GRIA4: variants seen among roughly 807,000 people sequenced by gnomAD.
GRIA4 encodes glutamate receptor 4.
In GRIA4, 34 loss-of-function variants were observed where a neutral mutation model predicts 104.0. The observed-to-expected ratio is 0.33, with a 90% confidence interval of 0.25 to 0.44. The LOEUF is 0.44. GRIA4 is among the 20% of genes least tolerant of loss of function. The pLI is 1.00. For synonymous variants in GRIA4, 386 were observed against 381.9 expected (o/e 1.01, Z -0.13); for missense variants, 750 against 1,096.5 (o/e 0.68, Z 4.46).
chr11:105,875,907 G>GA, intron 5 of GRIA4, among the ~76,000 whole-genome samples: 1 of 151,564 alleles, frequency 6.6e-6, no homozygotes, highest in Admixed American at 6.6e-5. Context: ...TTGTGTCTCT[G>GA]TCTCCTTCAG....
At chr11:105,799,478 C>T (rs1422719471) in intron 4 of GRIA4, among the ~76,000 whole-genome samples, 1 of 151,812 alleles carries the variant, frequency 6.6e-6, no homozygotes, top group Non-Finnish European at 1.5e-5. Context: ...CAATAATCAA[C>T]AAAGAAGATG....
intron 3 of GRIA4, among the ~76,000 whole-genome samples, chr11:105,712,422 T>G (rs118052295): frequency 0.015 from 2,294 of 152,144 alleles, 20 homozygotes; most frequent in Non-Finnish European, 0.024. Context: ...TATAGATATA[T>G]ATATTCTTAT....
At chr11:105,759,755 T>C (rs1316421874) in intron 4 of GRIA4, among the ~76,000 whole-genome samples, 1 of 152,174 alleles carries the variant, frequency 6.6e-6, no homozygotes, top group Admixed American at 6.6e-5. Context: ...GGTCTGAGCA[T>C]AACTTCCTCT....
intron 14 of GRIA4, among the ~76,000 whole-genome samples, chr11:105,944,515 T>C (rs2136229956): frequency 6.6e-6 from 1 of 152,052 alleles, no homozygotes; most frequent in African/African-American, 2.4e-5. Flanking sequence ...CTCTGTTAAT[T>C]AGACAGTAGC....
chr11:105,896,037 A>C (rs1396487787), intron 6 of GRIA4, among the ~76,000 whole-genome samples: 1 of 152,136 alleles, frequency 6.6e-6, no homozygotes. Flanking sequence ...TCACATTCTC[A>C]CCAACAGTTG....
intron 14 of GRIA4, among the ~76,000 whole-genome samples, chr11:105,953,389 C>G (rs1948505221): frequency 6.6e-6 from 1 of 152,134 alleles, no homozygotes; most frequent in Non-Finnish European, 1.5e-5. Flanking sequence ...TCACCTTTAT[C>G]TGGAAGATGT....
Position 105,794,477 on chromosome 11 carries a change from A to G in GRIA4, c.487+41257A>G, listed in dbSNP as rs112973210. 4.1e-3 allele frequency among the ~76,000 whole-genome samples: 258 copies of G among 63,402 alleles called. 2 individuals are homozygous for G. Among genetic ancestry groups the G allele is most frequent in the East Asian group, 0.012 (23 of 1,996 alleles). The allele number at this position is 63,402 out of a possible 152,430, so 41.6% of individuals were successfully genotyped here. ...TCTGTGTGTGTGTATATGTATGTAT[A>G]TATATATATATATATATATATATAT... On this transcript the variant is annotated intron_variant, in intron 4 of 16. Coordinates refer to ENST00000282499, the MANE Select transcript of GRIA4 (RefSeq NM_000829.4).
chr11:105,667,538 A>T (rs1211317956), intron 3 of GRIA4, among the ~76,000 whole-genome samples: 2 of 152,044 alleles, frequency 1.3e-5, no homozygotes, highest in Non-Finnish European at 2.9e-5. Context: ...CATCCTAGTT[A>T]TCTCTATGCC....
At chr11:105,638,206 T>G (rs1158565381) in intron 3 of GRIA4, among the ~76,000 whole-genome samples, 1 of 152,148 alleles carries the variant, frequency 6.6e-6, no homozygotes, top group Admixed American at 6.6e-5. Context: ...GGAACACTAA[T>G]GGAAGCCATG....
intron 4 of GRIA4, among the ~76,000 whole-genome samples, chr11:105,831,618 C>A (rs1230380264): frequency 2.0e-5 from 3 of 152,048 alleles, no homozygotes; most frequent in African/African-American, 7.2e-5. Flanking sequence ...TCCCCATACT[C>A]ATCACGTAAA....
chr11:105,975,549 G>T (rs1183193296), intron 16 of GRIA4, among the ~76,000 whole-genome samples: 3 of 151,976 alleles, frequency 2.0e-5, no homozygotes, highest in Non-Finnish European at 4.4e-5. Context: ...GAAAGGATTT[G>T]TTATTGCTCT....
chr11:105,911,738 A>T, intron 10 of GRIA4: 1 of 163,970 alleles, frequency 6.1e-6, no homozygotes, highest in Non-Finnish European at 1.2e-5. Context: ...AAACTTTCTA[A>T]CTTAATTGTG....
chr11:105,788,430 A>C (rs1942069291), intron 4 of GRIA4, among the ~76,000 whole-genome samples: 1 of 152,178 alleles, frequency 6.6e-6, no homozygotes, highest in Non-Finnish European at 1.5e-5. Context: ...TATTAATAAG[A>C]CAGCTGCAAC....
At chr11:105,850,693 A>T (rs1351049312) in intron 4 of GRIA4, among the ~76,000 whole-genome samples, 1 of 152,144 alleles carries the variant, frequency 6.6e-6, no homozygotes, top group Admixed American at 6.6e-5. Flanking sequence ...TTTGGGCTAG[A>T]GCTACCAGAG....
intron 11 of GRIA4, among the ~76,000 whole-genome samples, chr11:105,923,450 A>G (rs1030501209): frequency 1.3e-5 from 2 of 152,228 alleles, no homozygotes; most frequent in East Asian, 3.9e-4. Flanking sequence ...CATCTAGACA[A>G]TGATAAACAT....
chr11:105,823,755 G>C (rs1384648699), intron 4 of GRIA4, among the ~76,000 whole-genome samples: 2 of 151,968 alleles, frequency 1.3e-5, no homozygotes, highest in East Asian at 1.9e-4. Flanking sequence ...TTTTTGAGAC[G>C]GGATTTTTTA....
At chr11:105,616,669 C>T (rs1247900898) in intron 3 of GRIA4, among the ~76,000 whole-genome samples, 1 of 151,594 alleles carries the variant, frequency 6.6e-6, no homozygotes, top group Non-Finnish European at 1.5e-5. Context: ...ATATAATAAT[C>T]TTAAACATGC....
chr11:105,692,003 G>A (rs1247808389), intron 3 of GRIA4, among the ~76,000 whole-genome samples: 3 of 144,394 alleles, frequency 2.1e-5, no homozygotes, highest in African/African-American at 5.2e-5. Flanking sequence ...ATGCATTAAA[G>A]AGAACATGTA....
chr11:105,643,558 C>T (rs1034265364), intron 3 of GRIA4, among the ~76,000 whole-genome samples: 4 of 152,136 alleles, frequency 2.6e-5, no homozygotes, highest in Admixed American at 6.6e-5. Flanking sequence ...GGCTCTCTTT[C>T]GTTCCTGGTC....
Sources: gnomAD v4.1 joint callset for allele counts (sites outside exome capture counted in the v4.1 genomes callset) on GRCh38, gnomAD v4.1.1 for gene constraint, MANE v1.5 for transcripts, NCBI Gene and HGNC (gene_info 2026-07-23, HGNC 2026-07-21) for gene names.